Variants in CEP89 observed in about 807,000 individuals in gnomAD.
The protein encoded by CEP89 is centrosomal protein of 89 kDa.
A neutral mutation model predicts 97.6 loss-of-function variants in CEP89; 95 were observed. The ratio of observed to expected loss-of-function variants is 0.97; its 90% CI spans 0.82 to 1.15. The LOEUF (loss-of-function observed/expected upper bound fraction) is 1.15, where lower values mean the gene tolerates loss of function less well. Among genes scored for constraint, CEP89 ranks in the 50% most tolerant of loss-of-function variants. CEP89 has a pLI of 0.00. For synonymous variants in CEP89, 354 were observed against 349.1 expected (o/e 1.01, Z -0.16); for missense variants, 869 against 947.7 (o/e 0.92, Z 1.09).
At chr19:32,922,907 A>C (rs1451983284) in intron 12 of CEP89, among the ~76,000 whole-genome samples, 1 of 152,042 alleles carries the variant, frequency 6.6e-6, no homozygotes, top group Non-Finnish European at 1.5e-5. Context: ...TCCTGAAGGC[A>C]GTGCTATAGA....
At chr19:32,950,390 C>T (rs898247457) in intron 4 of CEP89, among the ~76,000 whole-genome samples, 1 of 152,104 alleles carries the variant, frequency 6.6e-6, no homozygotes, top group African/African-American at 2.4e-5. Context: ...GAAACCTTGT[C>T]TCTACTAAAA....
At chr19:32,954,447 C>T (rs1429137139) in intron 3 of CEP89, among the ~76,000 whole-genome samples, 6 of 151,806 alleles carry the variant, frequency 4.0e-5, no homozygotes, top group African/African-American at 1.5e-4. Flanking sequence ...TCACTGTAGC[C>T]TCAATCTCTC....
At chr19:32,921,444 C>G (rs573783141) in intron 12 of CEP89, among the ~76,000 whole-genome samples, 1 of 152,232 alleles carries the variant, frequency 6.6e-6, no homozygotes, top group African/African-American at 2.4e-5. Context: ...CCTGAGCAAG[C>G]CTGACACTCT....
At chr19:32,963,291 G>A (rs1024255429) in intron 2 of CEP89, among the ~76,000 whole-genome samples, 5 of 152,156 alleles carry the variant, frequency 3.3e-5, no homozygotes, top group African/African-American at 9.7e-5. Flanking sequence ...AGGAGGCGGA[G>A]GTTGAAGTGA....
intron 15 of CEP89, among the ~76,000 whole-genome samples, chr19:32,900,717 A>G (rs2145887520): frequency 6.6e-6 from 1 of 152,334 alleles, no homozygotes; most frequent in Non-Finnish European, 1.5e-5. Flanking sequence ...CAATATGACC[A>G]TCAACCATAT....
chr19:32,878,979 TAA>T lies in CEP89; in HGVS notation c.*181_*182del. The stretch of plus-strand genomic sequence containing the variant: ...CCTAGCTCTAAAAAAAAAAAAAAAT[TAA>T]AAAATAAAGCAAAATGTTATCAATG... On this transcript the variant is annotated 3_prime_UTR_variant, in exon 19 of 19. Transcript: ENST00000305768. The T allele has an allele frequency of 2.3e-6, 1 of 441,794 alleles. No homozygotes were observed. Among genetic ancestry groups the T allele is most frequent in the Non-Finnish European group, 4.0e-6 (1 of 253,046 alleles). 27.4% of individuals were successfully genotyped at this position (441,794 alleles called of 1,614,324 possible).
chr19:32,900,370 T>C (rs932060143), intron 15 of CEP89, among the ~76,000 whole-genome samples: 7 of 151,350 alleles, frequency 4.6e-5, no homozygotes, highest in African/African-American at 1.5e-4. Flanking sequence ...CTCAGCCTCC[T>C]GAGTAGTTGG....
chr19:32,901,571 A>G (rs1420359603), intron 14 of CEP89, among the ~76,000 whole-genome samples, 159 bp from the exon 15 acceptor site: 1 of 151,972 alleles, frequency 6.6e-6, no homozygotes, highest in Admixed American at 6.6e-5. Flanking sequence ...CCTGGGCCCT[A>G]GAGGACCTGG....
rs531504560 is a variant in CEP89 at position 32,879,173 on chromosome 19, G to A, written c.2341C>T (p.Pro781Ser). 1 of 1,609,966 alleles carries A rather than the reference G, an allele frequency of 6.2e-7. No individual in the cohort carries two copies. The highest frequency in any genetic ancestry group is 1.3e-5 in the African/African-American group (1 of 74,956). Residue 781 changes from proline to serine, a missense_variant, in exon 19 of 19, where the codon CCC becomes TCC. Coordinates refer to ENST00000305768, the MANE Select transcript of CEP89 (RefSeq NM_032816.5). ...VCSYDLKSHA[P>S]TC ...GGCTCCCGCAGATTCTAGCAGGTGG[G>A]GGCATGAGACTTCAGGTCATAGGAG...
In CEP89 at chr19:32,962,294, A is replaced by G. The variant is rs1362351830; in HGVS notation, c.147-2236T>C. ...CGCTCTCTCTCATCTGCCGCCATGT[A>G]AGACATGCCTGCTTCCCCTTCTGCC... On this transcript the variant is annotated intron_variant, in intron 2 of 18. Transcript: ENST00000305768. 3.3e-5 allele frequency among the ~76,000 whole-genome samples: 5 copies of G among 152,160 alleles called. No homozygotes were observed. In the South Asian group the frequency reaches 6.2e-4, roughly 19 times the overall value.
intron 14 of CEP89, among the ~76,000 whole-genome samples, chr19:32,901,868 T>C (rs1004433369): frequency 6.6e-6 from 1 of 152,198 alleles, no homozygotes; most frequent in Admixed American, 6.5e-5. Context: ...CAAGTGATCC[T>C]CCTGCCTTAG....
At chr19:32,943,790 A>G (rs2145944865) in intron 5 of CEP89, among the ~76,000 whole-genome samples, 1 of 152,256 alleles carries the variant, frequency 6.6e-6, no homozygotes, top group East Asian at 1.9e-4. Flanking sequence ...GAAAGCAGTC[A>G]GCAGGGGCTG....
chr19:32,880,224 G>A (rs1019275513), intron 18 of CEP89, among the ~76,000 whole-genome samples: 3 of 152,168 alleles, frequency 2.0e-5, no homozygotes, highest in African/African-American at 7.2e-5. Flanking sequence ...GCTCCTTCCC[G>A]GACACTGCCA....
Position 32,939,852 on chromosome 19 carries a change from C to T in CEP89, c.624+5G>A, listed in dbSNP as rs1970652565. 3.3e-6 allele frequency: 4 copies of T among 1,220,958 alleles called. No individual in the cohort carries two copies. Among genetic ancestry groups the T allele is most frequent in the Non-Finnish European group, 4.7e-6 (4 of 851,100 alleles). The allele number at this position is 1,220,958 out of a possible 1,614,324, so 75.6% of individuals were successfully genotyped here. A position where few individuals can be genotyped will look rare whatever the true frequency, so the allele number is the denominator to read the frequency against. ...AAAATCAGTTTTTAAAAAAAATGAT[C>T]TTACCTTTAAATTCAGAACAGGGTG... is the stretch of plus-strand genomic sequence containing the variant. On this transcript the variant is annotated splice_donor_5th_base_variant and intron_variant, in intron 6 of 18. Coordinates refer to ENST00000305768, the MANE Select transcript of CEP89 (RefSeq NM_032816.5).
chr19:32,959,506 C>A (rs1215978374), intron 3 of CEP89, among the ~76,000 whole-genome samples: 1 of 152,126 alleles, frequency 6.6e-6, no homozygotes, highest in Non-Finnish European at 1.5e-5. Flanking sequence ...ATGTGAATGT[C>A]CAGAGATACA....
In CEP89 at chr19:32,876,108, A is replaced by G. The variant is rs1969177247; in HGVS notation, c.*3054T>C. ...TCTCCATTTCCCCAGGGCTGCTTTT[A>G]CTTTTTATTGTATTATTTTTGAGGC... On this transcript the variant is annotated 3_prime_UTR_variant, in exon 19 of 19. Transcript: ENST00000305768. The G allele has an allele frequency of 6.6e-6, 1 of 152,420 alleles. No individual in the cohort carries two copies. The highest frequency in any genetic ancestry group is 6.6e-5 in the Admixed American group (1 of 15,250). 9.4% of individuals were successfully genotyped at this position (152,420 alleles called of 1,614,324 possible).
chr19:32,947,426 C>CA (rs3991788), intron 5 of CEP89, among the ~76,000 whole-genome samples: 9 of 149,722 alleles, frequency 6.0e-5, no homozygotes, highest in South Asian at 2.1e-4. Context: ...GTTAACATGG[C>CA]AAAAAAAAAC....
chr19:32,947,833 T>A (rs1970828462), intron 5 of CEP89, among the ~76,000 whole-genome samples: 1 of 151,166 alleles, frequency 6.6e-6, no homozygotes, highest in South Asian at 2.1e-4. Context: ...CAGGGTCTCA[T>A]TCTGTCACCC....
At chr19:32,955,944 C>T (rs1218688107) in intron 3 of CEP89, among the ~76,000 whole-genome samples, 1 of 152,094 alleles carries the variant, frequency 6.6e-6, no homozygotes, top group Non-Finnish European at 1.5e-5. Context: ...ACTTAAAACC[C>T]ACTGTCTAAA....
Sources: allele counts gnomAD v4.1 joint callset (sites outside exome capture counted in the v4.1 genomes callset), GRCh38; gene constraint gnomAD v4.1.1; transcripts MANE v1.5; gene names NCBI Gene and HGNC (gene_info 2026-07-23, HGNC 2026-07-21).